P4HA1: variants seen among roughly 807,000 people sequenced by gnomAD.
P4HA1 encodes prolyl 4-hydroxylase subunit alpha-1.
In P4HA1, 24 loss-of-function variants were observed where a neutral mutation model predicts 72.8. The observed-to-expected ratio is 0.33, with a 90% CI of 0.24 to 0.46. The LOEUF (loss-of-function observed/expected upper bound fraction) is 0.46. Among genes scored for constraint, P4HA1 ranks in the 20% least tolerant of loss-of-function variants. P4HA1 has a pLI of 1.00. For missense variants in P4HA1, 446 were observed against 640.6 expected (o/e 0.70, Z 3.28); for synonymous variants, 201 against 218.8 (o/e 0.92, Z 0.72).
intron 13 of P4HA1, 23 bp downstream of exon 13, chr10:73,010,946 A>G (rs1341017632): frequency 1.3e-6 from 2 of 1,594,392 alleles, no homozygotes; most frequent in East Asian, 4.5e-5. Flanking sequence ...TTAATAAACC[A>G]AAAACAAAAC....
Position 73,092,980 on chromosome 10 carries a change from A to G in P4HA1, c.-33+3786T>C, listed in dbSNP as rs145677889. ...CAAAAAATTAAAAAATTAGCTAGAC[A>G]TGGTGGCATGCATCTGTACCCCGAG... On this transcript the variant is annotated intron_variant, in intron 1 of 14. Transcript: ENST00000394890. 1.9e-3 allele frequency among the ~76,000 whole-genome samples: 295 copies of G among 151,856 alleles called. 1 individual carries two copies. The highest frequency in any genetic ancestry group is 6.7e-3 in the African/African-American group (277 of 41,422).
At chr10:73,056,148 C>CT (rs1325005458) in intron 5 of P4HA1, among the ~76,000 whole-genome samples, 1 of 152,102 alleles carries the variant, frequency 6.6e-6, no homozygotes, top group Non-Finnish European at 1.5e-5. Flanking sequence ...GGTTGGGGAC[C>CT]TTCCTGTATA....
At chr10:73,058,809 C>T (rs568769423) in intron 5 of P4HA1, among the ~76,000 whole-genome samples, 3 of 140,582 alleles carry the variant, frequency 2.1e-5, no homozygotes, top group African/African-American at 5.5e-5. Context: ...CGAAGTCTCA[C>T]TCTGTTGCCC....
At chr10:73,027,759 GGGAAGGAA>G (rs201478519) in intron 10 of P4HA1, among the ~76,000 whole-genome samples, 1 of 143,256 alleles carries the variant, frequency 7.0e-6, no homozygotes, top group Admixed American at 7.0e-5. Context: ...AGGGAGGGAA[GGGAAGGAA>G]GGAAGGAAGG....
At chr10:73,037,569 ATATTT>A (rs1205402336) in intron 9 of P4HA1, among the ~76,000 whole-genome samples, 43 of 26,684 alleles carry the variant, frequency 1.6e-3, no homozygotes, top group South Asian at 5.6e-3. Flanking sequence ...ATATATATAT[ATATTT>A]TTTTTTTTTT....
At chr10:73,073,628 A>G (rs1359898708) in intron 3 of P4HA1, 103 bp downstream of exon 3, 3 of 686,378 alleles carry the variant, frequency 4.4e-6, no homozygotes, top group Non-Finnish European at 7.9e-6. Context: ...CTGGCTTTGT[A>G]AGACTCAAAA....
At chr10:73,042,223 A>T (rs1287590982) in intron 9 of P4HA1, among the ~76,000 whole-genome samples, 1 of 152,160 alleles carries the variant, frequency 6.6e-6, no homozygotes, top group Non-Finnish European at 1.5e-5. Flanking sequence ...GCAAAAGGGC[A>T]GGTGGTGTTA....
chr10:73,029,147 C>T lies in P4HA1; in HGVS notation c.1248+1124G>A, dbSNP rs569124168. Among the ~76,000 whole-genome samples, 3 of 151,926 alleles carry T rather than the reference C, an allele frequency of 2.0e-5. No individual in the cohort carries two copies. In the South Asian group the frequency reaches 6.2e-4, roughly 32 times the overall value. On this transcript the variant is annotated intron_variant, in intron 10 of 14. Coordinates refer to ENST00000394890, the MANE Select transcript of P4HA1 (RefSeq NM_001017962.3). ...CAACCAGGCCAGGCACAGTGCCTCA[C>T]GCCTGTGTAATCCCAGCACTTTGGG...
chr10:73,009,321 T>C (rs1162444642), intron 14 of P4HA1, among the ~76,000 whole-genome samples: 1 of 152,214 alleles, frequency 6.6e-6, no homozygotes, highest in Admixed American at 6.5e-5. Flanking sequence ...TGAGAGTGAG[T>C]GCCTCTTTAA....
intron 5 of P4HA1, among the ~76,000 whole-genome samples, chr10:73,061,728 T>C (rs1841318282): frequency 6.6e-6 from 1 of 152,054 alleles, no homozygotes; most frequent in Admixed American, 6.6e-5. Context: ...ATGGTACCAC[T>C]GCACTCTAGC....
intron 9 of P4HA1, among the ~76,000 whole-genome samples, chr10:73,032,895 G>A (rs969394224): frequency 2.6e-5 from 4 of 152,142 alleles, no homozygotes; most frequent in Non-Finnish European, 5.9e-5. Context: ...AAACAGGGTG[G>A]ATTCTTAGAT....
intron 1 of P4HA1, among the ~76,000 whole-genome samples, chr10:73,083,694 T>A (rs1483271627): frequency 6.6e-6 from 1 of 152,228 alleles, no homozygotes; most frequent in African/African-American, 2.4e-5. Flanking sequence ...CCATACAGCA[T>A]GATGCTTATC....
At chr10:73,035,035 A>G (rs1378038397) in intron 9 of P4HA1, among the ~76,000 whole-genome samples, 1 of 152,182 alleles carries the variant, frequency 6.6e-6, no homozygotes, top group Non-Finnish European at 1.5e-5. Context: ...ACCTTGGGCT[A>G]TAGTGAATAA....
intron 7 of P4HA1, among the ~76,000 whole-genome samples, chr10:73,049,143 T>C (rs1840950784): frequency 7.2e-6 from 1 of 139,236 alleles, no homozygotes; most frequent in Non-Finnish European, 1.5e-5. Flanking sequence ...AAATAATGAG[T>C]CTAACAGTGT....
rs12262881 is a variant in P4HA1, at chr10:73,061,641, C to T, written c.463+7205G>A. On this transcript the variant is annotated intron_variant, in intron 5 of 14. Transcript: ENST00000394890. ...CCAGCTGGGCGCAGGTGACTTATAC[C>T]TATAGTCCCAGCTACTTGGGAGGCT... 2.5e-3 allele frequency among the ~76,000 whole-genome samples: 386 copies of T among 152,200 alleles called. 5 individuals are homozygous for T. The highest frequency in any genetic ancestry group is 9.0e-3 in the African/African-American group (373 of 41,536).
Position 73,075,002 on chromosome 10 carries a change from TAA to T in P4HA1, c.-32-89_-32-88del, listed in dbSNP as rs1451248030. The T allele has an allele frequency of 2.1e-5, 12 of 583,730 alleles. No homozygotes were observed. The Admixed American group carries it at 3.3e-4, about 16-fold the overall frequency. The allele number at this position is 583,730 out of a possible 1,614,324, so 36.2% of individuals were successfully genotyped here. A position where few individuals can be genotyped will look rare whatever the true frequency, so the allele number is the denominator to read the frequency against. ...CTTATCTATTATTTCTATGAAAAAGTAAAAGATTCCAAGGTTGCCCATAAAAT... is the reference window on the plus strand; with the variant it reads ...CTTATCTATTATTTCTATGAAAAAGTAAGATTCCAAGGTTGCCCATAAAAT... On this transcript the variant is annotated intron_variant, in intron 1 of 14. Coordinates refer to ENST00000394890, the MANE Select transcript of P4HA1 (RefSeq NM_001017962.3).
intron 7 of P4HA1, among the ~76,000 whole-genome samples, chr10:73,047,909 G>C (rs772503446): frequency 6.6e-6 from 1 of 151,982 alleles, no homozygotes; most frequent in Non-Finnish European, 1.5e-5. Context: ...AAAATTAGCC[G>C]GACATGAGGG....
At chr10:73,078,084 A>C (rs1471121341) in intron 1 of P4HA1, among the ~76,000 whole-genome samples, 79 of 151,488 alleles carry the variant, frequency 5.2e-4, no homozygotes, top group Admixed American at 5.2e-3. Flanking sequence ...AAAAAAAAAA[A>C]AAACCTTTAA....
chr10:73,037,536 T>C (rs1281411476), intron 9 of P4HA1, among the ~76,000 whole-genome samples: 6 of 17,322 alleles, frequency 3.5e-4, no homozygotes, highest in Admixed American at 6.9e-4. Flanking sequence ...TATATATATA[T>C]ATATATATAT....
Sources: allele counts gnomAD v4.1 joint callset (sites outside exome capture counted in the v4.1 genomes callset), GRCh38; gene constraint gnomAD v4.1.1; transcripts MANE v1.5; gene names NCBI Gene and HGNC (gene_info 2026-07-23, HGNC 2026-07-21).